DNM3: variants seen among roughly 807,000 people sequenced by gnomAD.
DNM3 encodes dynamin 3.
A neutral mutation model predicts 101.6 loss-of-function variants in DNM3; 47 were observed. That is an observed-to-expected ratio of 0.46 (90% confidence interval 0.37 to 0.59). DNM3 has a LOEUF of 0.59. Ranked by LOEUF, DNM3 falls within the 20% of genes least tolerant of loss-of-function variation. The pLI, the probability that DNM3 is intolerant of heterozygous loss-of-function variation, is 0.00. For missense variants in DNM3, 849 were observed against 1,085.7 expected, an observed-to-expected ratio of 0.78 and a Z score of 3.06; for synonymous variants, 385 against 387.9, an observed-to-expected ratio of 0.99 and a Z score of 0.09.
chr1:172,381,236 C>G (rs1002802618), intron 18 of DNM3, among the ~76,000 whole-genome samples: 2 of 151,844 alleles, frequency 1.3e-5, no homozygotes, highest in Non-Finnish European at 2.9e-5. Flanking sequence ...TGAGAGAGAC[C>G]TCACATAAGA....
intron 2 of DNM3, among the ~76,000 whole-genome samples, chr1:171,943,520 C>T (rs1342859577): frequency 1.3e-5 from 2 of 152,198 alleles, no homozygotes; most frequent in Non-Finnish European, 2.9e-5. Context: ...CAACTCTTAC[C>T]TTAACCCAGA....
chr1:172,141,747 G>A (rs994986374), intron 14 of DNM3, among the ~76,000 whole-genome samples: 7 of 152,016 alleles, frequency 4.6e-5, no homozygotes, highest in African/African-American at 9.7e-5. Flanking sequence ...TATCTGGGCC[G>A]AAAGCCCGAA....
chr1:171,983,629 G>A (rs941680263), intron 2 of DNM3, among the ~76,000 whole-genome samples: 4 of 152,118 alleles, frequency 2.6e-5, no homozygotes, highest in South Asian at 2.1e-4. Context: ...CTTGCTTAGT[G>A]ATCTCATCAC....
chr1:172,244,419 C>T (rs2061869058), intron 14 of DNM3, among the ~76,000 whole-genome samples: 1 of 151,830 alleles, frequency 6.6e-6, no homozygotes. Flanking sequence ...GAACAGGCAA[C>T]CTACAAAATG....
intron 14 of DNM3, among the ~76,000 whole-genome samples, chr1:172,200,951 GT>G (rs2060131556): frequency 6.6e-6 from 1 of 152,132 alleles, no homozygotes; most frequent in African/African-American, 2.4e-5. Flanking sequence ...GGCCATTTTA[GT>G]TACCACAAAG....
chr1:171,845,539 G>C (rs539782993), intron 1 of DNM3, among the ~76,000 whole-genome samples: 1 of 152,152 alleles, frequency 6.6e-6, no homozygotes, highest in African/African-American at 2.4e-5. Context: ...GGCTGATAGA[G>C]CAAGACTCTG....
chr1:171,863,539 A>G (rs1378089781), intron 1 of DNM3, among the ~76,000 whole-genome samples: 2 of 152,216 alleles, frequency 1.3e-5, no homozygotes, highest in Non-Finnish European at 2.9e-5. Context: ...AGTTACATGA[A>G]TTTTCTAAAA....
chr1:171,891,160 T>C (rs1233756344), intron 1 of DNM3, among the ~76,000 whole-genome samples: 1 of 152,190 alleles, frequency 6.6e-6, no homozygotes, highest in African/African-American at 2.4e-5. Context: ...CAATACAGTC[T>C]CCTATATAAG....
chr1:171,975,723 C>A (rs2044320513), intron 2 of DNM3, among the ~76,000 whole-genome samples: 1 of 152,188 alleles, frequency 6.6e-6, no homozygotes, highest in South Asian at 2.1e-4. Context: ...AACTGACAAG[C>A]TGATTCTAAA....
intron 11 of DNM3, among the ~76,000 whole-genome samples, chr1:172,075,326 A>G (rs2052564684): frequency 6.6e-6 from 1 of 151,752 alleles, no homozygotes; most frequent in Non-Finnish European, 1.5e-5. Flanking sequence ...ATTAGATCCC[A>G]TTTGTCAGTT....
chr1:171,842,331 G>C lies in DNM3; in HGVS notation c.161+514G>C, dbSNP rs570419486. Among the ~76,000 whole-genome samples the C allele has an allele frequency of 5.9e-5, 9 of 152,112 alleles. No individual in the cohort carries two copies. The South Asian group carries it at 6.2e-4, about 11-fold the overall frequency. On this transcript the variant is annotated intron_variant, in intron 1 of 20. Transcript: ENST00000627582. Reference sequence around the variant, plus strand: ...GTGGAGATGCTTTCCTTCTCGCCAGGGTTCTCGTTCCTCTCAGCTGTCTAC... The same window carrying C: ...GTGGAGATGCTTTCCTTCTCGCCAGCGTTCTCGTTCCTCTCAGCTGTCTAC...
At chr1:171,857,700 A>G (rs1050009158) in intron 1 of DNM3, among the ~76,000 whole-genome samples, 8 of 152,182 alleles carry the variant, frequency 5.3e-5, no homozygotes, top group Admixed American at 3.3e-4. Flanking sequence ...CTTAATTAGT[A>G]TTCCCCACAG....
chr1:171,939,031 G>A (rs1038204891), intron 2 of DNM3, among the ~76,000 whole-genome samples: 1 of 151,486 alleles, frequency 6.6e-6, no homozygotes, highest in Non-Finnish European at 1.5e-5. Context: ...TTTCCTTACT[G>A]ACAACACCCC....
At chr1:171,917,838 C>T (rs2039841706) in intron 1 of DNM3, among the ~76,000 whole-genome samples, 1 of 152,010 alleles carries the variant, frequency 6.6e-6, no homozygotes, top group South Asian at 2.1e-4. Flanking sequence ...ATTATTTTTC[C>T]AGCATTTATT....
chr1:172,061,113 G>A (rs1410040750), intron 10 of DNM3, among the ~76,000 whole-genome samples: 8 of 148,304 alleles, frequency 5.4e-5, no homozygotes, highest in African/African-American at 2.0e-4. Context: ...ATCATCACTG[G>A]CCATCAGAGA....
chr1:172,183,744 G>T (rs1362583724), intron 14 of DNM3, among the ~76,000 whole-genome samples: 2 of 149,226 alleles, frequency 1.3e-5, no homozygotes, highest in Non-Finnish European at 3.0e-5. Context: ...AGGACTACAG[G>T]GTTGCACCAC....
chr1:171,916,631 C>T (rs570866729), intron 1 of DNM3, among the ~76,000 whole-genome samples: 53 of 152,272 alleles, frequency 3.5e-4, no homozygotes, highest in Non-Finnish European at 6.5e-4. Context: ...TGACATACAC[C>T]GGCTACTGAC....
chr1:172,274,524 T>G (rs2063204894), intron 15 of DNM3, among the ~76,000 whole-genome samples: 1 of 152,014 alleles, frequency 6.6e-6, no homozygotes, highest in African/African-American at 2.4e-5. Context: ...ATGCATACCT[T>G]TCCTTCCTTC....
At chr1:172,055,956 A>G (rs1294763388) in intron 10 of DNM3, among the ~76,000 whole-genome samples, 7 of 152,178 alleles carry the variant, frequency 4.6e-5, no homozygotes, top group Non-Finnish European at 4.4e-5. Flanking sequence ...AGGGAGTGCC[A>G]GACAGTGGGC....
Sources: allele counts gnomAD v4.1 joint callset (sites outside exome capture counted in the v4.1 genomes callset), GRCh38; gene constraint gnomAD v4.1.1; transcripts MANE v1.5; gene names NCBI Gene and HGNC (gene_info 2026-07-23, HGNC 2026-07-21).